Variants in CASK observed in about 807,000 individuals in gnomAD.
The protein encoded by CASK is peripheral plasma membrane protein CASK.
Under a neutral mutation model 82.9 loss-of-function variants are expected in CASK, and 4 were observed. The ratio of observed to expected loss-of-function variants is 0.05; its 90% CI spans 0.02 to 0.11. The LOEUF (loss-of-function observed/expected upper bound fraction) is 0.11, where lower values mean the gene tolerates loss of function less well. CASK is among the 10% of genes least tolerant of loss of function. The probability of loss-of-function intolerance (pLI) is 1.00; values close to 1 mark genes in which losing one functional copy is unlikely to be tolerated. For synonymous variants in CASK, 259 were observed against 253.5 expected, an observed-to-expected ratio of 1.02 and a Z score of -0.20; for missense variants, 358 against 720.9, an observed-to-expected ratio of 0.50 and a Z score of 5.76.
intron 5 of CASK, among the ~76,000 whole-genome samples, chrX:41,733,312 CA>C (rs1006084955): frequency 2.7e-5 from 3 of 110,723 alleles, no homozygotes; most frequent in African/African-American, 9.9e-5. Flanking sequence ...GTTAGAAACA[CA>C]AGATAAATTT....
At chrX:41,698,406 C>T (rs1275833280) in intron 5 of CASK, among the ~76,000 whole-genome samples, 1 of 111,641 alleles carries the variant, frequency 9.0e-6, no homozygotes, top group Non-Finnish European at 1.9e-5. Flanking sequence ...TAAAAGAAAG[C>T]GGTCTTAGTC....
intron 3 of CASK, among the ~76,000 whole-genome samples, chrX:41,786,396 T>C (rs762157633): frequency 2.5e-4 from 27 of 109,475 alleles, no homozygotes; most frequent in African/African-American, 7.7e-4. Flanking sequence ...ACAACCTTTT[T>C]TTTTTTTTTT....
At chrX:41,808,323 T>C (rs2070177184) in intron 2 of CASK, among the ~76,000 whole-genome samples, 2 of 111,893 alleles carry the variant, frequency 1.8e-5, no homozygotes, top group African/African-American at 6.5e-5. Flanking sequence ...ACTCGACTGA[T>C]ATGTGAGCTT....
rs1244709255 is a variant in CASK, at chrX:41,703,443, A to G, written c.430-31913T>C. ...ACAATATGCACTTTTTCTTTTAAAA[A>G]TTTACACAAATGGTATCTTACTATT... On this transcript the variant is annotated intron_variant, in intron 5 of 26. Transcript: ENST00000378163. 2.7e-5 allele frequency among the ~76,000 whole-genome samples: 3 copies of G among 112,499 alleles called. No homozygotes were observed. In the East Asian group the frequency reaches 8.3e-4, roughly 31 times the overall value.
At chrX:41,899,461 G>A (rs1185662317) in intron 1 of CASK, among the ~76,000 whole-genome samples, 1 of 110,882 alleles carries the variant, frequency 9.0e-6, no homozygotes, top group Admixed American at 9.6e-5. Context: ...TTTCTGTTTT[G>A]TAGTTCCTTT....
At chrX:41,804,756 G>T (rs1182706135) in intron 2 of CASK, among the ~76,000 whole-genome samples, 2 of 111,534 alleles carry the variant, frequency 1.8e-5, no homozygotes, top group African/African-American at 6.5e-5. Context: ...ATTTGCTGGG[G>T]CTACAAGAGC....
intron 2 of CASK, among the ~76,000 whole-genome samples, chrX:41,852,440 T>C (rs1392040811): frequency 2.7e-5 from 3 of 111,780 alleles, no homozygotes; most frequent in Non-Finnish European, 5.7e-5. Context: ...AGTATCATGA[T>C]CAATTGTGCC....
chrX:41,619,291 G>T, intron 11 of CASK, among the ~76,000 whole-genome samples: 1 of 109,799 alleles, frequency 9.1e-6, no homozygotes. Flanking sequence ...TAAAAATCAG[G>T]TTTATAATCA....
Position 41,586,944 on chromosome X carries a change from T to C in CASK, c.1277A>G (p.Lys426Arg). The change falls in exon 14 of 27, where the codon AAG (lysine) becomes AGG (arginine). Residue 426 changes from lysine (K) to arginine (R), a missense_variant. This residue lies in a region of CASK where 110 missense variants were observed against 218.8 expected (regional missense o/e 0.50). Coordinates refer to ENST00000378163, the MANE Select transcript of CASK (RefSeq NM_001367721.1). ...ISCYPENNDA[K>R]ELKRILTQPH... The stretch of plus-strand genomic sequence containing the variant: ...TTGTGTTAAAATACGCTTTAGTTCC[T>C]TTGCGTCGTTATTCTCAGGGTAACA... The C allele has an allele frequency of 8.4e-7, 1 of 1,184,053 alleles. No homozygotes were observed.
chrX:41,740,093 G>A (rs2068568837), intron 4 of CASK, among the ~76,000 whole-genome samples: 1 of 111,854 alleles, frequency 8.9e-6, no homozygotes, highest in South Asian at 3.7e-4. Flanking sequence ...GAAGAACAAA[G>A]AAGAAATCAG....
intron 2 of CASK, among the ~76,000 whole-genome samples, chrX:41,816,591 G>GA (rs2147894967): frequency 9.2e-6 from 1 of 108,128 alleles, no homozygotes; most frequent in East Asian, 2.9e-4. Context: ...ATAGATCAAT[G>GA]AATTGATAAA....
intron 12 of CASK, among the ~76,000 whole-genome samples, chrX:41,604,955 T>C (rs758312378): frequency 1.8e-5 from 2 of 112,618 alleles, no homozygotes; most frequent in Admixed American, 9.4e-5. Context: ...ATCACAGTAC[T>C]TCTCCATTTT....
At chrX:41,670,689 A>C (rs1352824404) in intron 6 of CASK, among the ~76,000 whole-genome samples, 1 of 111,100 alleles carries the variant, frequency 9.0e-6, no homozygotes, top group Non-Finnish European at 1.9e-5. Context: ...TCAAGGGTGC[A>C]GTGCAGTGTG....
intron 5 of CASK, among the ~76,000 whole-genome samples, chrX:41,730,747 A>G (rs2068380652): frequency 9.0e-6 from 1 of 111,454 alleles, no homozygotes; most frequent in Non-Finnish European, 1.9e-5. Flanking sequence ...CTGTCACCCA[A>G]GCTGGAGTGC....
rs151321004 is a variant in CASK at position 41,525,285 on chromosome X, C to T, written c.2521-1251G>A. On this transcript the variant is annotated intron_variant, in intron 25 of 26. Transcript: ENST00000378163. ...TGCTTAACCTCTTCAGCCTTTCTCT[C>T]TGCTCCTTTGGCTCCATGGACCAGC... is the stretch of plus-strand genomic sequence containing the variant. Among the ~76,000 whole-genome samples, 281 of 111,744 alleles carry T rather than the reference C, an allele frequency of 2.5e-3. 1 individual carries two copies. The highest frequency in any genetic ancestry group is 8.6e-3 in the African/African-American group (265 of 30,746).
intron 16 of CASK, among the ~76,000 whole-genome samples, chrX:41,566,405 A>G (rs1284187308): frequency 9.0e-6 from 1 of 111,708 alleles, no homozygotes; most frequent in African/African-American, 3.3e-5. Context: ...TACAAAATCA[A>G]TGTGCAAAAA....
intron 5 of CASK, among the ~76,000 whole-genome samples, chrX:41,683,901 G>A (rs769577342): frequency 8.9e-6 from 1 of 112,022 alleles, no homozygotes; most frequent in Non-Finnish European, 1.9e-5. Context: ...AGATTTTGTG[G>A]TTCTTTTTGT....
At chrX:41,649,986 A>T (rs2066835135) in intron 8 of CASK, among the ~76,000 whole-genome samples, 1 of 110,929 alleles carries the variant, frequency 9.0e-6, no homozygotes, top group African/African-American at 3.3e-5. Context: ...TGTTGAATTG[A>T]TCCCTTTACC....
chrX:41,605,827 C>T (rs761093964), intron 12 of CASK, among the ~76,000 whole-genome samples: 14 of 110,624 alleles, frequency 1.3e-4, no homozygotes, highest in Non-Finnish European at 2.3e-4. Flanking sequence ...TACAGGCATG[C>T]GCCACCATGC....
Sources: gnomAD v4.1 joint callset for allele counts (sites outside exome capture counted in the v4.1 genomes callset) on GRCh38, gnomAD v4.1.1 for gene constraint, gnomAD v4.1.1 regional missense constraint, MANE v1.5 for transcripts, NCBI Gene and HGNC (gene_info 2026-07-23, HGNC 2026-07-21) for gene names.